CEP57L1: variants seen among roughly 807,000 people sequenced by gnomAD.
The protein encoded by CEP57L1 is centrosomal protein CEP57L1.
In CEP57L1, 37 loss-of-function variants were observed where a neutral mutation model predicts 61.0. The observed-to-expected ratio is 0.61, with a 90% CI of 0.47 to 0.80. The LOEUF (loss-of-function observed/expected upper bound fraction) is 0.80. Ranked by LOEUF, CEP57L1 falls within the 30% of genes least tolerant of loss-of-function variation. CEP57L1 has a pLI of 0.00. For missense variants in CEP57L1, 422 were observed against 524.7 expected (o/e 0.80, Z 1.91); for synonymous variants, 137 against 162.3 (o/e 0.84, Z 1.19).
At chr6:109,159,924 C>T (rs1773571622) in intron 9 of CEP57L1, among the ~76,000 whole-genome samples, 2 of 152,098 alleles carry the variant, frequency 1.3e-5, no homozygotes, top group Admixed American at 1.3e-4. Flanking sequence ...GTTTTAGAAT[C>T]TTTTAGCTGA....
At chr6:109,112,132 G>A (rs1238244399) in intron 1 of CEP57L1, among the ~76,000 whole-genome samples, 2 of 152,126 alleles carry the variant, frequency 1.3e-5, no homozygotes, top group African/African-American at 4.8e-5. Flanking sequence ...GGTAGAATTC[G>A]GCTGTGAATC....
chr6:109,104,496 C>T (rs1460077286), intron 1 of CEP57L1, among the ~76,000 whole-genome samples: 1 of 152,180 alleles, frequency 6.6e-6, no homozygotes, highest in Non-Finnish European at 1.5e-5. Context: ...TTTACACTCC[C>T]ACTGGCAGTT....
In CEP57L1 at chr6:109,174,215, G is replaced by C. The variant is rs1320726921; in HGVS notation, c.*11245G>C. Among the ~76,000 whole-genome samples the C allele has an allele frequency of 6.6e-6, 1 of 151,828 alleles. No individual in the cohort carries two copies. Among genetic ancestry groups the C allele is most frequent in the African/African-American group, 2.4e-5 (1 of 41,318 alleles). ...GATGGATACTTTACTCTTTTCTTTT[G>C]AGAAGGGAGAGAGTATGTTATGCAC... On this transcript the variant is annotated 3_prime_UTR_variant, in exon 11 of 11. Transcript: ENST00000517392.
rs149583755 is a variant in CEP57L1 at position 109,136,530 on chromosome 6, G to A, written c.-3-8689G>A. 2.9e-3 allele frequency among the ~76,000 whole-genome samples: 417 copies of A among 145,786 alleles called. 2 individuals are homozygous for A. The highest frequency in any genetic ancestry group is 9.9e-3 in the African/African-American group (389 of 39,340). ...GTATACATATGTAACAAACCTGCAC[G>A]TTGTGCACATGTACCCTAAAACTAT... On this transcript the variant is annotated intron_variant, in intron 1 of 10. Coordinates refer to ENST00000517392, the MANE Select transcript of CEP57L1 (RefSeq NM_001271852.3).
chr6:109,108,256 T>C (rs1771166256), intron 1 of CEP57L1, among the ~76,000 whole-genome samples: 1 of 151,760 alleles, frequency 6.6e-6, no homozygotes, highest in South Asian at 2.1e-4. Flanking sequence ...TTTTTTTTTT[T>C]TGAGATAGAG....
At chr6:109,148,152 T>C (rs1373253235) in intron 3 of CEP57L1, among the ~76,000 whole-genome samples, 2 of 152,114 alleles carry the variant, frequency 1.3e-5, no homozygotes, top group Non-Finnish European at 2.9e-5. Flanking sequence ...AGTTTTAGGG[T>C]ACATGTGCAC....
At chr6:109,112,393 G>A (rs1368731505) in intron 1 of CEP57L1, among the ~76,000 whole-genome samples, 9 of 151,934 alleles carry the variant, frequency 5.9e-5, no homozygotes, top group East Asian at 1.9e-4. Flanking sequence ...TTTTTATTGC[G>A]TCTATTTGAT....
At chr6:109,141,983 G>A (rs78407802) in intron 1 of CEP57L1, among the ~76,000 whole-genome samples, 5,379 of 152,078 alleles carry the variant, frequency 0.035, 143 homozygotes, top group South Asian at 0.079. Context: ...CCCTAATGTC[G>A]TCTCCCTAGC....
At chr6:109,126,922 C>T (rs889804294) in intron 1 of CEP57L1, among the ~76,000 whole-genome samples, 16 of 152,110 alleles carry the variant, frequency 1.1e-4, no homozygotes, top group African/African-American at 3.9e-4. Context: ...AATCCCAGCA[C>T]TTTGGGAGGC....
At chr6:109,134,141 A>G (rs1334158820) in intron 1 of CEP57L1, among the ~76,000 whole-genome samples, 2 of 152,208 alleles carry the variant, frequency 1.3e-5, no homozygotes, top group Non-Finnish European at 2.9e-5. Context: ...ATCCCTGATG[A>G]ACATCGATGC....
intron 1 of CEP57L1, among the ~76,000 whole-genome samples, chr6:109,123,087 C>T (rs1039657466): frequency 6.6e-6 from 1 of 152,088 alleles, no homozygotes; most frequent in Admixed American, 6.5e-5. Flanking sequence ...AATAAAAATT[C>T]TCAGGGTATT....
intron 10 of CEP57L1, among the ~76,000 whole-genome samples, chr6:109,162,346 C>G (rs1431690847): frequency 3.3e-5 from 5 of 152,076 alleles, no homozygotes; most frequent in African/African-American, 1.2e-4. Context: ...CCTCTCTGTT[C>G]TCTAGTTTTT....
intron 1 of CEP57L1, among the ~76,000 whole-genome samples, chr6:109,136,735 ATTTTATTTTAT>A (rs1770768637): frequency 6.9e-6 from 1 of 144,870 alleles, no homozygotes; most frequent in Non-Finnish European, 1.5e-5. Context: ...ATTTTATTTT[ATTTTATTTTAT>A]TTTATTTTAT....
intron 1 of CEP57L1, among the ~76,000 whole-genome samples, chr6:109,134,428 T>C (rs1774576833): frequency 6.6e-6 from 1 of 152,174 alleles, no homozygotes; most frequent in South Asian, 2.1e-4. Flanking sequence ...TAATAAGAGC[T>C]ATTTATGACA....
In CEP57L1 at chr6:109,162,852, G is replaced by T. The variant is rs775986929; in HGVS notation, c.1265G>T (p.Ser422Ile). The T allele has an allele frequency of 6.2e-7, 1 of 1,613,090 alleles. No homozygotes were observed. Among genetic ancestry groups the T allele is most frequent in the South Asian group, 1.1e-5 (1 of 91,050 alleles). Residue 422 changes from serine to isoleucine, a missense_variant, in exon 11 of 11, where the codon AGC (serine) becomes ATC (isoleucine). Physicochemically the swap from Ser to Ile is moderately radical, Grantham distance 142. Coordinates refer to ENST00000517392, the MANE Select transcript of CEP57L1 (RefSeq NM_001271852.3). ...YPKGSKNIKN[S>I]PRKCLTDTNL... is the part of the protein sequence containing the mutation. Reference sequence around the variant, plus strand: ...AAAGGATCAAAGAACATAAAAAATAGCCCCAGAAAATGTTTGACTGACACT... The same window carrying T: ...AAAGGATCAAAGAACATAAAAAATATCCCCAGAAAATGTTTGACTGACACT...
At chr6:109,152,636 C>CGTGT (rs59562316) in intron 4 of CEP57L1, among the ~76,000 whole-genome samples, 14 of 145,100 alleles carry the variant, frequency 9.6e-5, no homozygotes, top group African/African-American at 3.5e-4. Flanking sequence ...GATGTGCGTG[C>CGTGT]GTGTGTGTGT....
At chr6:109,104,323 AT>A (rs977390042) in intron 1 of CEP57L1, among the ~76,000 whole-genome samples, 60 of 145,676 alleles carry the variant, frequency 4.1e-4, no homozygotes, top group South Asian at 4.1e-3. Context: ...TAAAAAAAAA[AT>A]TTTTTTCTGT....
rs543836666 is a variant in CEP57L1 at position 109,171,041 on chromosome 6, A to G, written c.*8071A>G. On this transcript the variant is annotated 3_prime_UTR_variant, in exon 11 of 11. Coordinates refer to ENST00000517392, the MANE Select transcript of CEP57L1 (RefSeq NM_001271852.3). ...TTAGAAAAATTTATATCAGTATTAC[A>G]TTCTTGATTCTCTCAAGGTATGATT... Among the ~76,000 whole-genome samples, 17 of 152,226 alleles carry G rather than the reference A, an allele frequency of 1.1e-4. No homozygotes were observed. The highest frequency in any genetic ancestry group is 2.4e-4 in the Non-Finnish European group (16 of 68,042).
intron 1 of CEP57L1, chr6:109,129,279 A>T: frequency 1.1e-5 from 9 of 836,976 alleles, no homozygotes; most frequent in Non-Finnish European, 1.4e-5. Flanking sequence ...TATCTTTATT[A>T]ACTTAAGCTA....
Sources: gnomAD v4.1 joint callset for allele counts (sites outside exome capture counted in the v4.1 genomes callset) on GRCh38, gnomAD v4.1.1 for gene constraint, MANE v1.5 for transcripts, NCBI Gene and HGNC (gene_info 2026-07-23, HGNC 2026-07-21) for gene names.